NTN1: variants seen among roughly 807,000 people sequenced by gnomAD.
NTN1 encodes netrin 1, also known as netrin-1.
Under a neutral mutation model 54.2 loss-of-function variants are expected in NTN1, and 11 were observed. The observed-to-expected ratio is 0.20, with a 90% CI of 0.13 to 0.34. The LOEUF (loss-of-function observed/expected upper bound fraction) is 0.34, where lower values mean the gene tolerates loss of function less well. NTN1 is among the 10% of genes least tolerant of loss of function. The pLI is 1.00. For synonymous variants in NTN1, 371 were observed against 382.0 expected (o/e 0.97, Z 0.33); for missense variants, 740 against 893.1 (o/e 0.83, Z 2.18).
intron 6 of NTN1, among the ~76,000 whole-genome samples, chr17:9,225,307 C>T (rs560766404): frequency 4.0e-4 from 61 of 152,150 alleles, no homozygotes; most frequent in Non-Finnish European, 7.1e-4. Context: ...TCAGCTCAGC[C>T]TGTGTGTTCA....
At chr17:9,048,758 G>C (rs766582467) in intron 2 of NTN1, among the ~76,000 whole-genome samples, 30 of 152,016 alleles carry the variant, frequency 2.0e-4, no homozygotes, top group Non-Finnish European at 3.7e-4. Context: ...CCGGGTTCAA[G>C]CAATTCTCCT....
At position 9,022,744 on chromosome 17, in the gene NTN1, A is replaced by G. The variant is rs200187924; in HGVS notation, c.371A>G (p.Asn124Ser). The G allele has an allele frequency of 5.0e-6, 8 of 1,609,020 alleles. No individual in the cohort carries two copies. Among genetic ancestry groups the G allele is most frequent in the Non-Finnish European group, 6.8e-6 (8 of 1,178,362 alleles). Residue 124 changes from asparagine to serine, a missense_variant, in exon 2 of 7, where the codon AAC becomes AGC. Transcript: ENST00000173229. ...AACCTGACGTGCTGGCAGTCCGAGA[A>G]CTACCTGCAGTTCCCGCACAACGTC... Reference protein sequence around the residue: ...PHNLTCWQSENYLQFPHNVTL... With the variant: ...PHNLTCWQSESYLQFPHNVTL...
chr17:9,140,115 T>C (rs897524285), intron 2 of NTN1, among the ~76,000 whole-genome samples: 16 of 152,132 alleles, frequency 1.1e-4, no homozygotes, highest in Non-Finnish European at 4.4e-5. Flanking sequence ...GTTTAATAAG[T>C]GATGGCCACT....
At chr17:9,137,139 C>G (rs1238605542) in intron 2 of NTN1, among the ~76,000 whole-genome samples, 1 of 152,194 alleles carries the variant, frequency 6.6e-6, no homozygotes, top group Non-Finnish European at 1.5e-5. Context: ...ATGAAGACCT[C>G]TCTGATGGCT....
chr17:9,071,995 C>T (rs1257287375), intron 2 of NTN1, among the ~76,000 whole-genome samples: 1 of 152,192 alleles, frequency 6.6e-6, no homozygotes, highest in Non-Finnish European at 1.5e-5. Flanking sequence ...GTGAGAGATG[C>T]TGTAGATGCC....
At chr17:9,054,801 G>C (rs773599182) in intron 2 of NTN1, among the ~76,000 whole-genome samples, 5 of 152,098 alleles carry the variant, frequency 3.3e-5, no homozygotes, top group East Asian at 1.9e-4. Context: ...GTCCCCAGCC[G>C]GGCAGCACAG....
chr17:9,091,412 G>T (rs1462138361), intron 2 of NTN1, among the ~76,000 whole-genome samples: 1 of 150,506 alleles, frequency 6.6e-6, no homozygotes, highest in Non-Finnish European at 1.5e-5. Flanking sequence ...AAGCCACAGT[G>T]CCTGACCAAA....
At chr17:9,102,664 A>G (rs893665435) in intron 2 of NTN1, among the ~76,000 whole-genome samples, 13 of 130,682 alleles carry the variant, frequency 9.9e-5, no homozygotes, top group Middle Eastern at 3.5e-3. Flanking sequence ...ACCAAGAGAC[A>G]TGTGTTAGGA....
intron 5 of NTN1, among the ~76,000 whole-genome samples, chr17:9,201,690 C>T (rs1904789009): frequency 6.6e-6 from 1 of 152,116 alleles, no homozygotes; most frequent in African/African-American, 2.4e-5. Flanking sequence ...ATCAGATGCA[C>T]TACTTGGGGA....
chr17:9,104,057 C>G (rs1200653500), intron 2 of NTN1, among the ~76,000 whole-genome samples: 1 of 135,530 alleles, frequency 7.4e-6, no homozygotes, highest in Admixed American at 8.6e-5. Context: ...CCACTGTACT[C>G]CAGCCTGGGC....
the NTN1 span, among the ~76,000 whole-genome samples, chr17:9,013,003 G>A: frequency 6.6e-6 from 1 of 152,004 alleles, no homozygotes; most frequent in Non-Finnish European, 1.5e-5. Context: ...ATACATTCTA[G>A]GAGCCATTTT....
chr17:9,037,472 CT>C lies in NTN1; in HGVS notation c.1018+14082del, dbSNP rs2091907032. 2.6e-5 allele frequency among the ~76,000 whole-genome samples: 4 copies of C among 152,286 alleles called. No homozygotes were observed. In the South Asian group the frequency reaches 8.3e-4, roughly 32 times the overall value. On this transcript the variant is annotated intron_variant, in intron 2 of 6. Transcript: ENST00000173229. ...ACTGCTGTTAGTTATGGAAATGCCC[CT>C]ATCCATATGATTTTGCATTAATTCT...
At position 9,219,106 on chromosome 17, in the gene NTN1, C is replaced by T. The variant is rs941166141; in HGVS notation, c.1412-2062C>T. On this transcript the variant is annotated intron_variant, in intron 5 of 6. Transcript: ENST00000173229. This position sits in a 1 kb window ranked among gnomAD's most constrained non-coding sequence, Gnocchi z 4.5. Reference sequence around the variant, plus strand: ...GCCCCAGCAGTGGCTTTATTGTGAGCGTCATCTATCCCTGAGCTGGCAAAG... The same window carrying T: ...GCCCCAGCAGTGGCTTTATTGTGAGTGTCATCTATCCCTGAGCTGGCAAAG... Among the ~76,000 whole-genome samples, 8 of 152,200 alleles carry T rather than the reference C, an allele frequency of 5.3e-5. No individual in the cohort carries two copies. Among genetic ancestry groups the T allele is most frequent in the Non-Finnish European group, 1.0e-4 (7 of 68,032 alleles).
intron 2 of NTN1, among the ~76,000 whole-genome samples, chr17:9,059,418 A>G (rs753201893): frequency 2.0e-5 from 3 of 152,252 alleles, no homozygotes; most frequent in Non-Finnish European, 4.4e-5. Flanking sequence ...AACAACCCAC[A>G]TGTCCGTGAA....
At chr17:9,228,854 CTGTGTA>C (rs1451810007) in intron 6 of NTN1, among the ~76,000 whole-genome samples, 1 of 44,138 alleles carries the variant, frequency 2.3e-5, no homozygotes, top group African/African-American at 1.0e-4. Flanking sequence ...GTGTGTGTGA[CTGTGTA>C]TGAGAGTGTG....
In NTN1 at chr17:9,239,584, G is replaced by A; in HGVS notation, c.1487-56G>A. ...TTCCCTTCTCCCCAGGCTCAGGCAG[G>A]GCGGACCTAGCCACAGCAGCTGGGA... On this transcript the variant is annotated intron_variant, in intron 6 of 6. Coordinates refer to ENST00000173229, the MANE Select transcript of NTN1 (RefSeq NM_004822.3). This position sits in a 1 kb window ranked among gnomAD's most constrained non-coding sequence, Gnocchi z 5.2. 6.4e-7 allele frequency: 1 copy of A among 1,554,962 alleles called. No individual in the cohort carries two copies. Among genetic ancestry groups the A allele is most frequent in the South Asian group, 1.2e-5 (1 of 85,502 alleles).
At chr17:9,237,109 A>G (rs990571184) in intron 6 of NTN1, among the ~76,000 whole-genome samples, 1 of 152,196 alleles carries the variant, frequency 6.6e-6, no homozygotes, top group African/African-American at 2.4e-5. Flanking sequence ...GATGAATTGT[A>G]TTAGCTTCTA....
At position 9,183,059 on chromosome 17, in the gene NTN1, C is replaced by T. The variant is rs1221638868; in HGVS notation, c.1411+90C>T. The T allele has an allele frequency of 3.7e-6, 5 of 1,336,742 alleles. No homozygotes were observed. In the Middle Eastern group the frequency reaches 5.6e-4, roughly 149 times the overall value. 82.8% of individuals were successfully genotyped at this position (1,336,742 alleles called of 1,614,324 possible). ...AATGGGGAAGGGGCATTGGAAAGCCCAGACTCCTCTAACCACTGTCCGGGC... is the reference window on the plus strand; with the variant it reads ...AATGGGGAAGGGGCATTGGAAAGCCTAGACTCCTCTAACCACTGTCCGGGC... On this transcript the variant is annotated intron_variant, in intron 5 of 6. Coordinates refer to ENST00000173229, the MANE Select transcript of NTN1 (RefSeq NM_004822.3).
Position 9,022,518 on chromosome 17 carries a change from C to T in NTN1, c.145C>T (p.Arg49Cys). The T allele has an allele frequency of 6.5e-7, 1 of 1,548,500 alleles. No homozygotes were observed. Among genetic ancestry groups the T allele is most frequent in the Admixed American group, 1.9e-5 (1 of 52,506 alleles). Reference protein sequence around the residue: ...DPCSDENGHPRRCIPDFVNAA... With the variant: ...DPCSDENGHPCRCIPDFVNAA... ...CTGCTCGGACGAGAACGGCCACCCG[C>T]GCCGCTGCATCCCGGACTTTGTCAA... Residue 49 changes from arginine (R) to cysteine (C), a missense_variant, in exon 2 of 7, where the codon CGC (arginine) becomes TGC (cysteine). Arg to Cys is a radical substitution (Grantham distance 180). Coordinates refer to ENST00000173229, the MANE Select transcript of NTN1 (RefSeq NM_004822.3).
Sources: allele counts gnomAD v4.1 joint callset (sites outside exome capture counted in the v4.1 genomes callset), GRCh38; gene constraint gnomAD v4.1.1; non-coding constraint Gnocchi (gnomAD v3.1); transcripts MANE v1.5; gene names NCBI Gene and HGNC (gene_info 2026-07-23, HGNC 2026-07-21).